CCNY: variants seen among roughly 807,000 people sequenced by gnomAD.
CCNY encodes cyclin Y.
A neutral mutation model predicts 42.8 loss-of-function variants in CCNY; 19 were observed. The observed-to-expected ratio is 0.44, with a 90% CI of 0.31 to 0.65. CCNY has a LOEUF of 0.65. Ranked by LOEUF, CCNY falls within the 30% of genes least tolerant of loss-of-function variation. The pLI is 0.07. For missense variants in CCNY, 370 were observed against 437.3 expected, an observed-to-expected ratio of 0.85 and a Z score of 1.37; for synonymous variants, 165 against 162.7, an observed-to-expected ratio of 1.01 and a Z score of -0.11.
chr10:35,432,692 A>G (rs1838439085), intron 1 of CCNY, among the ~76,000 whole-genome samples: 5 of 152,238 alleles, frequency 3.3e-5, no homozygotes, highest in Admixed American at 3.3e-4. Flanking sequence ...CTTAATATGA[A>G]AACAAAAACA....
chr10:35,418,607 A>C (rs1225224784), intron 1 of CCNY, among the ~76,000 whole-genome samples: 1 of 152,166 alleles, frequency 6.6e-6, no homozygotes, highest in South Asian at 2.1e-4. Context: ...GTAACTGAGA[A>C]TATGCCTCCG....
chr10:35,532,668 G>A (rs1736764466), intron 7 of CCNY, among the ~76,000 whole-genome samples: 1 of 152,220 alleles, frequency 6.6e-6, no homozygotes, highest in South Asian at 2.1e-4. Flanking sequence ...AGAGGCCTTT[G>A]TGGTGTACCT....
chr10:35,564,728 G>A (rs1262494979), intron 8 of CCNY, among the ~76,000 whole-genome samples: 1 of 152,118 alleles, frequency 6.6e-6, no homozygotes, highest in African/African-American at 2.4e-5. Flanking sequence ...AGGTTGGAGG[G>A]GACCCACTCT....
intron 1 of CCNY, among the ~76,000 whole-genome samples, chr10:35,360,185 T>C (rs1280093879): frequency 6.6e-6 from 1 of 152,248 alleles, no homozygotes; most frequent in Admixed American, 6.5e-5. Flanking sequence ...GTATTGTTAC[T>C]TAATGTTAAT....
At position 35,331,430 on chromosome 10, in the gene CCNY, T is replaced by G. The variant is rs1835942440; in HGVS notation, c.-9+80804T>G. On this transcript the variant is annotated intron_variant, in intron 3 of 11. Transcript: ENST00000374706. Reference sequence around the variant, plus strand: ...TTTAGTCTGGGGACAAATGGTGAACTTGCAGTGGTGAGGTAGATAAATCAG... The same window carrying G: ...TTTAGTCTGGGGACAAATGGTGAACGTGCAGTGGTGAGGTAGATAAATCAG... 1.3e-5 allele frequency among the ~76,000 whole-genome samples: 2 copies of G among 152,194 alleles called. 1 individual carries two copies. Among genetic ancestry groups the G allele is most frequent in the South Asian group, 4.1e-4 (2 of 4,834 alleles).
chr10:35,447,730 T>C (rs1339212841), intron 1 of CCNY, among the ~76,000 whole-genome samples: 2 of 152,168 alleles, frequency 1.3e-5, no homozygotes, highest in African/African-American at 2.4e-5. Context: ...TCTGACACTT[T>C]GGGGAGTTTC....
chr10:35,559,791 C>G (rs1018067091), intron 8 of CCNY, among the ~76,000 whole-genome samples: 1 of 152,254 alleles, frequency 6.6e-6, no homozygotes. Context: ...AGGTCTGCCA[C>G]TGCCACCATG....
intron 8 of CCNY, among the ~76,000 whole-genome samples, chr10:35,563,598 C>T (rs575652511): frequency 1.3e-5 from 2 of 152,248 alleles, no homozygotes; most frequent in Admixed American, 6.5e-5. Context: ...TGAAGTCTTA[C>T]CTGGATTCCA....
intron 1 of CCNY, among the ~76,000 whole-genome samples, chr10:35,440,175 A>G (rs1838634792): frequency 6.6e-6 from 1 of 152,172 alleles, no homozygotes; most frequent in African/African-American, 2.4e-5. Flanking sequence ...GTCTTGCTAG[A>G]CAGGCTCCTT....
chr10:35,419,533 C>CTTTTTTTT (rs34429228), intron 1 of CCNY, among the ~76,000 whole-genome samples: 10 of 129,686 alleles, frequency 7.7e-5, no homozygotes, highest in East Asian at 6.5e-4. Flanking sequence ...TAGACCGTTC[C>CTTTTTTTT]TTTTTTTTTT....
intron 3 of CCNY, among the ~76,000 whole-genome samples, chr10:35,318,978 T>A (rs139927506): frequency 2.0e-4 from 31 of 152,304 alleles, no homozygotes; most frequent in African/African-American, 7.2e-4. Context: ...AGTTTATTTT[T>A]TTGAGACAGA....
chr10:35,383,679 A>T (rs985008702), intron 1 of CCNY, among the ~76,000 whole-genome samples: 1 of 152,154 alleles, frequency 6.6e-6, no homozygotes, highest in Admixed American at 6.5e-5. Context: ...AACTGTTCTG[A>T]TTGTGTCACC....
intron 1 of CCNY, among the ~76,000 whole-genome samples, chr10:35,473,974 C>G (rs2135349581): frequency 6.6e-6 from 1 of 152,284 alleles, no homozygotes; most frequent in South Asian, 2.1e-4. Flanking sequence ...CGAGGCATTG[C>G]CTCACTCGGG....
intron 7 of CCNY, among the ~76,000 whole-genome samples, chr10:35,547,780 C>A (rs780281608): frequency 1.3e-5 from 2 of 152,108 alleles, no homozygotes; most frequent in Non-Finnish European, 2.9e-5. Context: ...TCTGCCGGCC[C>A]CTGGGCTAGA....
chr10:35,362,935 C>T (rs1836721021), intron 1 of CCNY, among the ~76,000 whole-genome samples: 2 of 152,140 alleles, frequency 1.3e-5, no homozygotes, highest in Admixed American at 1.3e-4. Context: ...ATCCTCACTT[C>T]CCAGATGGTC....
At chr10:35,256,282 A>C (rs572201605) in intron 3 of CCNY, among the ~76,000 whole-genome samples, 2 of 145,840 alleles carry the variant, frequency 1.4e-5, no homozygotes, top group East Asian at 4.0e-4. Flanking sequence ...TTCCTGCCTT[A>C]CTATCTTTTG....
rs34429228 is a variant in CCNY, at chr10:35,419,533, C to CTTTTTTTTTTTTTTTTTTTTTTTT, written c.155-63856_155-63855insTTTTTTTTTTTTTTTTTTTTTTTT. Among the ~76,000 whole-genome samples the CTTTTTTTTTTTTTTTTTTTTTTTT allele has an allele frequency of 7.5e-4, 97 of 129,646 alleles. 6 individuals carry two copies. Among genetic ancestry groups the CTTTTTTTTTTTTTTTTTTTTTTTT allele is most frequent in the African/African-American group, 2.7e-3 (85 of 31,700 alleles). The allele number at this position is 129,646 out of a possible 152,430, so 85.1% of individuals were successfully genotyped here. A position where few individuals can be genotyped will look rare whatever the true frequency, so the allele number is the denominator to read the frequency against. ...AGGACTGGGTTGCATTAGACCGTTC[C>CTTTTTTTTTTTTTTTTTTTTTTTT]TTTTTTTTTTTTTTTAGCAATCTGG... On this transcript the variant is annotated intron_variant, in intron 1 of 9. Transcript: ENST00000374704.
intron 3 of CCNY, among the ~76,000 whole-genome samples, chr10:35,505,004 G>T (rs1316642701): frequency 2.7e-5 from 4 of 150,872 alleles, no homozygotes; most frequent in African/African-American, 7.3e-5. Flanking sequence ...TTTATGTAAA[G>T]TTTATTTAAA....
chr10:35,363,672 C>T (rs1192517069), intron 1 of CCNY, among the ~76,000 whole-genome samples: 1 of 152,146 alleles, frequency 6.6e-6, no homozygotes, highest in Non-Finnish European at 1.5e-5. Flanking sequence ...GGTGTTGTCA[C>T]TCCGCCCCAC....
Sources: gnomAD v4.1 joint callset for allele counts (sites outside exome capture counted in the v4.1 genomes callset) on GRCh38, gnomAD v4.1.1 for gene constraint, MANE v1.5 for transcripts, NCBI Gene and HGNC (gene_info 2026-07-23, HGNC 2026-07-21) for gene names.